SMARCA4: variants seen among roughly 807,000 people sequenced by gnomAD.
SMARCA4 encodes SWI/SNF-related matrix-associated actin-dependent regulator of chromatin subfamily A member 4.
SMARCA4 carries 31 observed loss-of-function variants against 193.9 expected under a neutral mutation model. The ratio of observed to expected loss-of-function variants is 0.16; its 90% CI spans 0.12 to 0.22. SMARCA4 has a LOEUF of 0.22. SMARCA4 is among the 10% of genes least tolerant of loss of function. The pLI is 1.00. For missense variants in SMARCA4, 1,148 were observed against 2,296.0 expected (o/e 0.50, Z 10.22); for synonymous variants, 942 against 933.1 (o/e 1.01, Z -0.17).
chr19:11,019,602 A>T lies in SMARCA4; in HGVS notation c.2517A>T (p.Ala839=), dbSNP rs771137096. The T allele has an allele frequency of 6.2e-7, 1 of 1,611,010 alleles. No individual in the cohort carries two copies. The highest frequency in any genetic ancestry group is 1.1e-5 in the South Asian group (1 of 90,496). ...TGCTTCCCTTGCAGGGATCCCCAGCAGCAAGACGGGCCTTTGTCCCCCAGC... is the reference window on the plus strand; with the variant it reads ...TGCTTCCCTTGCAGGGATCCCCAGCTGCAAGACGGGCCTTTGTCCCCCAGC... ...VVKVSYKGSP[A]ARRAFVPQLR... is the part of the protein sequence containing the mutation. The change falls in exon 18 of 35, where the codon GCA becomes GCT. Residue 839 remains alanine (A), a synonymous_variant. Transcript: ENST00000344626. This position sits in a 1 kb window ranked among gnomAD's most constrained non-coding sequence, Gnocchi z 6.1.
At chr19:11,002,431 A>G (rs141741694) in intron 11 of SMARCA4, among the ~76,000 whole-genome samples, 2,296 of 152,232 alleles carry the variant, frequency 0.015, 50 homozygotes, top group South Asian at 0.058. Flanking sequence ...GTGAGCCGAT[A>G]CCGCACCACT....
chr19:11,017,117 G>T (rs557179837), intron 16 of SMARCA4, among the ~76,000 whole-genome samples: 12 of 152,328 alleles, frequency 7.9e-5, no homozygotes, highest in Non-Finnish European at 1.0e-4. Context: ...TCTGTGTTAA[G>T]CTGAACGTGA....
Position 10,984,720 on chromosome 19 carries a change from T to C in SMARCA4, c.222+347T>C, listed in dbSNP as rs2085863616. ...TAAAAAGGCTTTTAGCCACGTGGTTTCCCCCGTTCTGGCTGTCAGGCTCAC... is the reference window on the plus strand; with the variant it reads ...TAAAAAGGCTTTTAGCCACGTGGTTCCCCCCGTTCTGGCTGTCAGGCTCAC... On this transcript the variant is annotated intron_variant, in intron 2 of 34. Transcript: ENST00000344626. This position sits in a 1 kb window ranked among gnomAD's most constrained non-coding sequence, Gnocchi z 4.3. Among the ~76,000 whole-genome samples, 1 of 152,194 alleles carries C rather than the reference T, an allele frequency of 6.6e-6. No homozygotes were observed. Among genetic ancestry groups the C allele is most frequent in the East Asian group, 1.9e-4 (1 of 5,188 alleles).
At chr19:11,059,175 T>C (rs1018882312) in intron 32 of SMARCA4, 3 of 402,516 alleles carry the variant, frequency 7.5e-6, no homozygotes, top group South Asian at 2.7e-5. Flanking sequence ...AAAAGCAGTA[T>C]GTATTTACCG....
At chr19:10,995,121 A>G in intron 9 of SMARCA4, 120 bp downstream of exon 9, 1 of 922,882 alleles carries the variant, frequency 1.1e-6, no homozygotes, top group Non-Finnish European at 1.7e-6. Flanking sequence ...GAGGTGGGAC[A>G]GAGGGAAAAG....
At chr19:10,994,196 C>T (rs1355129796) in intron 8 of SMARCA4, among the ~76,000 whole-genome samples, 1 of 151,576 alleles carries the variant, frequency 6.6e-6, no homozygotes, top group South Asian at 2.1e-4. Flanking sequence ...TGTGCCACCA[C>T]ACCTGGCTAA....
chr19:10,997,096 T>G (rs1197116966), intron 11 of SMARCA4, among the ~76,000 whole-genome samples: 3 of 152,136 alleles, frequency 2.0e-5, no homozygotes, highest in Admixed American at 6.5e-5. Flanking sequence ...CTTGGCTCAT[T>G]GCAGCCTCCG....
Position 11,033,367 on chromosome 19 carries a change from C to A in SMARCA4, c.3624C>A (p.Asn1208Lys). The change falls in exon 26 of 35, where the codon AAC becomes AAA. Residue 1208 changes from asparagine (N) to lysine (K), a missense_variant. Transcript: ENST00000344626. This position sits in a 1 kb window ranked among gnomAD's most constrained non-coding sequence, Gnocchi z 9.8. ...EVRVLRLCTVNSVEEKILAAA... is the reference protein window; with the variant it reads ...EVRVLRLCTVKSVEEKILAAA... Reference sequence around the variant, plus strand: ...GTGTGCTCCGCCTCTGCACCGTCAACAGCGTGGAGGAGAAGATCCTAGCTG... The same window carrying A: ...GTGTGCTCCGCCTCTGCACCGTCAAAAGCGTGGAGGAGAAGATCCTAGCTG... The A allele has an allele frequency of 6.2e-7, 1 of 1,613,438 alleles. No homozygotes were observed. Among genetic ancestry groups the A allele is most frequent in the Non-Finnish European group, 8.5e-7 (1 of 1,180,034 alleles).
At chr19:11,038,601 G>A (rs897174455) in intron 29 of SMARCA4, among the ~76,000 whole-genome samples, 2 of 152,076 alleles carry the variant, frequency 1.3e-5, no homozygotes, top group African/African-American at 4.8e-5. Context: ...TGACACGTTT[G>A]TTACCCCACT....
At chr19:10,973,865 C>G (rs561327444) in intron 1 of SMARCA4, among the ~76,000 whole-genome samples, 1 of 152,150 alleles carries the variant, frequency 6.6e-6, no homozygotes, top group Non-Finnish European at 1.5e-5. Flanking sequence ...CCACCGCGCC[C>G]GGCCTGGAGG....
intron 21 of SMARCA4, among the ~76,000 whole-genome samples, 173 bp downstream of exon 21, chr19:11,024,611 C>G (rs2090117831): frequency 6.6e-6 from 1 of 152,186 alleles, no homozygotes; most frequent in Non-Finnish European, 1.5e-5. Context: ...CACACTGACT[C>G]AGCTGCCAGT....
chr19:11,053,177 G>C (rs2076354389), intron 30 of SMARCA4, among the ~76,000 whole-genome samples: 1 of 152,074 alleles, frequency 6.6e-6, no homozygotes, highest in Admixed American at 6.5e-5. Context: ...GAGGCGGGCG[G>C]ATCACCTGAG....
At chr19:11,036,280 G>C (rs780729941) in intron 29 of SMARCA4, among the ~76,000 whole-genome samples, 2 of 152,168 alleles carry the variant, frequency 1.3e-5, no homozygotes, top group Non-Finnish European at 2.9e-5. Context: ...GAGTGTCACC[G>C]GCCCTGCATT....
In SMARCA4 at chr19:11,024,298, T is replaced by C. The variant is rs368909362; in HGVS notation, c.2974-33T>C. 6 of 1,501,376 alleles carry C rather than the reference T, an allele frequency of 4.0e-6. No homozygotes were observed. The African/African-American group carries it at 6.9e-5, about 17-fold the overall frequency. 93.0% of individuals were successfully genotyped at this position (1,501,376 alleles called of 1,614,324 possible). A position where few individuals can be genotyped will look rare whatever the true frequency, so the allele number is the denominator to read the frequency against. On this transcript the variant is annotated intron_variant, in intron 20 of 34. Coordinates refer to ENST00000344626, the MANE Select transcript of SMARCA4 (RefSeq NM_003072.5). Reference sequence around the variant, plus strand: ...GGGGGAGTCAGGCCTCAAGCCACCTTGGGCCCTCGTGAGCATTATGTGTCC... The same window carrying C: ...GGGGGAGTCAGGCCTCAAGCCACCTCGGGCCCTCGTGAGCATTATGTGTCC...
rs1022172033 is a variant in SMARCA4, at chr19:10,985,820, C to G, written c.356-369C>G. Among the ~76,000 whole-genome samples, 4 of 152,130 alleles carry G rather than the reference C, an allele frequency of 2.6e-5. No homozygotes were observed. The highest frequency in any genetic ancestry group is 9.7e-5 in the African/African-American group (4 of 41,410). On this transcript the variant is annotated intron_variant, in intron 3 of 34. Coordinates refer to ENST00000344626, the MANE Select transcript of SMARCA4 (RefSeq NM_003072.5). This position sits in a 1 kb window ranked among gnomAD's most constrained non-coding sequence, Gnocchi z 4.5. ...TGACTTTCCAAGGCCTTGCTGTCAT[C>G]AGGGGTGGGAAGCTCAGGGGCTGCA... is the stretch of plus-strand genomic sequence containing the variant.
At chr19:11,020,029 G>A (rs1202735243) in intron 18 of SMARCA4, among the ~76,000 whole-genome samples, 1 of 152,202 alleles carries the variant, frequency 6.6e-6, no homozygotes, top group Non-Finnish European at 1.5e-5. Flanking sequence ...ATGGGGCCTT[G>A]GCCAGACCAG....
chr19:10,963,370 C>CAAAAAAA (rs755616481), intron 1 of SMARCA4, among the ~76,000 whole-genome samples: 19 of 52,926 alleles, frequency 3.6e-4, no homozygotes, highest in Non-Finnish European at 6.5e-4. Flanking sequence ...AAGACTGTCT[C>CAAAAAAA]AAAAAAAAAA....
chr19:11,003,683 A>G (rs896104476), intron 13 of SMARCA4, among the ~76,000 whole-genome samples: 1 of 150,056 alleles, frequency 6.7e-6, no homozygotes, highest in African/African-American at 2.5e-5. Flanking sequence ...GGCATCCCTT[A>G]TCTGGGAATG....
chr19:10,982,796 G>A (rs1269590506), intron 1 of SMARCA4, among the ~76,000 whole-genome samples: 4 of 152,026 alleles, frequency 2.6e-5, no homozygotes, highest in South Asian at 2.1e-4. Flanking sequence ...GAGCCACCGC[G>A]CCTGGCCAAA....
Sources: allele counts gnomAD v4.1 joint callset (sites outside exome capture counted in the v4.1 genomes callset), GRCh38; gene constraint gnomAD v4.1.1; non-coding constraint Gnocchi (gnomAD v3.1); transcripts MANE v1.5; gene names NCBI Gene and HGNC (gene_info 2026-07-23, HGNC 2026-07-21).